The following SH3RF3 variants were observed in gnomAD, a reference collection of about 807,000 sequenced individuals.
SH3RF3 encodes E3 ubiquitin-protein ligase SH3RF3.
Under a neutral mutation model 66.3 loss-of-function variants are expected in SH3RF3, and 29 were observed. That is an observed-to-expected ratio of 0.44 (90% CI 0.33 to 0.60). The LOEUF is 0.60. Among genes scored for constraint, SH3RF3 ranks in the 20% least tolerant of loss-of-function variants. The pLI, the probability that SH3RF3 is intolerant of heterozygous loss-of-function variation, is 0.04. For missense variants in SH3RF3, 1,194 were observed against 1,190.9 expected, an observed-to-expected ratio of 1.00 and a Z score of -0.04; for synonymous variants, 583 against 532.0, an observed-to-expected ratio of 1.10 and a Z score of -1.32.
chr2:109,234,024 G>T (rs1013661673), intron 1 of SH3RF3, among the ~76,000 whole-genome samples: 1 of 152,160 alleles, frequency 6.6e-6, no homozygotes, highest in Non-Finnish European at 1.5e-5. Context: ...TGACATGAAG[G>T]TTTTTGTGTT....
intron 1 of SH3RF3, among the ~76,000 whole-genome samples, chr2:109,244,856 C>A (rs1456459531): frequency 6.6e-6 from 1 of 152,214 alleles, no homozygotes; most frequent in African/African-American, 2.4e-5. Flanking sequence ...ACCTTTCCCA[C>A]TGCAGCCTGT....
chr2:109,386,692 G>T (rs963543192), intron 3 of SH3RF3, among the ~76,000 whole-genome samples: 1 of 152,152 alleles, frequency 6.6e-6, no homozygotes, highest in Non-Finnish European at 1.5e-5. Context: ...TCCCTCAGGT[G>T]TCAGTCCAGG....
At chr2:109,194,818 T>C (rs1221635164) in intron 1 of SH3RF3, among the ~76,000 whole-genome samples, 3 of 152,262 alleles carry the variant, frequency 2.0e-5, no homozygotes, top group African/African-American at 4.8e-5. Context: ...GACGAAAAGA[T>C]TGAGAAGCTT....
chr2:109,184,789 C>A (rs563872786), intron 1 of SH3RF3, among the ~76,000 whole-genome samples: 279 of 152,280 alleles, frequency 1.8e-3, no homozygotes, highest in Non-Finnish European at 2.7e-3. Context: ...GGAGTTGTGC[C>A]ACATACAAGA....
At chr2:109,138,865 A>C (rs1235171806) in intron 1 of SH3RF3, among the ~76,000 whole-genome samples, 1 of 152,210 alleles carries the variant, frequency 6.6e-6, no homozygotes, top group Non-Finnish European at 1.5e-5. Flanking sequence ...TGTGTTAAGC[A>C]CTGGAATATA....
At position 109,342,843 on chromosome 2, in the gene SH3RF3, C is replaced by T. The variant is rs183643124; in HGVS notation, c.574-4831C>T. Among the ~76,000 whole-genome samples, 4 of 152,312 alleles carry T rather than the reference C, an allele frequency of 2.6e-5. No individual in the cohort carries two copies. In the East Asian group the frequency reaches 7.7e-4, roughly 29 times the overall value. Reference sequence around the variant, plus strand: ...GTGTGTGCCACATCTGAGTAATGAGCCATGAAATTGACATTATAAGTTTTA... The same window carrying T: ...GTGTGTGCCACATCTGAGTAATGAGTCATGAAATTGACATTATAAGTTTTA... On this transcript the variant is annotated intron_variant, in intron 1 of 9. Coordinates refer to ENST00000309415, the MANE Select transcript of SH3RF3 (RefSeq NM_001099289.3).
chr2:109,208,386 T>C (rs1414813572), intron 1 of SH3RF3, among the ~76,000 whole-genome samples: 1 of 152,232 alleles, frequency 6.6e-6, no homozygotes, highest in East Asian at 1.9e-4. Flanking sequence ...TCTTCAGGGA[T>C]GGGCAGCTTA....
chr2:109,290,954 C>T lies in SH3RF3; in HGVS notation c.574-56720C>T, dbSNP rs537539108. 1.3e-5 allele frequency among the ~76,000 whole-genome samples: 2 copies of T among 152,354 alleles called. 1 individual carries two copies. Among genetic ancestry groups the T allele is most frequent in the Admixed American group, 1.3e-4 (2 of 15,310 alleles). On this transcript the variant is annotated intron_variant, in intron 1 of 9. Coordinates refer to ENST00000309415, the MANE Select transcript of SH3RF3 (RefSeq NM_001099289.3). ...TGCTTTTTACTGTTTTCCTGGGGTG[C>T]CCGGCAATATGCCGGGTACATAGTA...
At chr2:109,249,623 TTCTC>T (rs201548250) in intron 1 of SH3RF3, among the ~76,000 whole-genome samples, 9 of 148,038 alleles carry the variant, frequency 6.1e-5, no homozygotes, top group Non-Finnish European at 1.5e-5. Context: ...TTCTCTTTCT[TTCTC>T]TCTCTCTTTC....
intron 8 of SH3RF3, among the ~76,000 whole-genome samples, chr2:109,467,402 G>A (rs1367658162): frequency 2.6e-5 from 4 of 152,192 alleles, no homozygotes; most frequent in East Asian, 1.9e-4. Context: ...GGAGGGTCCC[G>A]TGTCTATAAA....
intron 3 of SH3RF3, among the ~76,000 whole-genome samples, chr2:109,385,877 A>G (rs1559054934): frequency 6.8e-6 from 1 of 147,410 alleles, no homozygotes; most frequent in Non-Finnish European, 1.5e-5. Context: ...TTAAAAAGAG[A>G]TGGACGTTTG....
At chr2:109,347,595 C>G in intron 1 of SH3RF3, 79 bp from the exon 2 acceptor site, 1 of 1,528,534 alleles carries the variant, frequency 6.5e-7, no homozygotes, top group South Asian at 1.3e-5. Flanking sequence ...CTGAGAAGCC[C>G]CGGCCTGCCC....
intron 1 of SH3RF3, among the ~76,000 whole-genome samples, chr2:109,192,263 C>T (rs1466007793): frequency 2.0e-5 from 3 of 152,160 alleles, no homozygotes; most frequent in Non-Finnish European, 4.4e-5. Flanking sequence ...CACTGCAGCT[C>T]ATGGGATGTT....
chr2:109,256,129 C>G (rs1680215802), intron 1 of SH3RF3, among the ~76,000 whole-genome samples: 1 of 152,142 alleles, frequency 6.6e-6, no homozygotes, highest in Non-Finnish European at 1.5e-5. Flanking sequence ...GAGGCCAGGC[C>G]CGTGCTTCTG....
At chr2:109,482,248 C>T (rs1271736621) in intron 8 of SH3RF3, among the ~76,000 whole-genome samples, 1 of 152,140 alleles carries the variant, frequency 6.6e-6, no homozygotes, top group African/African-American at 2.4e-5. Context: ...GTGCCCGGCT[C>T]ATAGTCAGCT....
intron 3 of SH3RF3, among the ~76,000 whole-genome samples, chr2:109,392,569 C>T (rs544788724): frequency 2.6e-5 from 4 of 152,032 alleles, no homozygotes; most frequent in African/African-American, 7.2e-5. Flanking sequence ...AGTGCAGTGG[C>T]GTGATCTTGG....
chr2:109,356,731 C>G (rs1386565224), intron 2 of SH3RF3, among the ~76,000 whole-genome samples: 8 of 152,164 alleles, frequency 5.3e-5, no homozygotes, highest in Non-Finnish European at 8.8e-5. Flanking sequence ...TTTGGACAGC[C>G]CTGCCTCACA....
chr2:109,501,593 G>A lies in SH3RF3; in HGVS notation c.2571G>A (p.Glu857=), dbSNP rs1392002132. The change falls in exon 10 of 10, where the codon GAG becomes GAA. Residue 857 remains glutamate (E), a synonymous_variant. Transcript: ENST00000309415. ...GDIVFVHKKR[E]DGWYKGTLQR... ...TCGTCTTTGTGCACAAGAAGCGTGA[G>A]GACGGCTGGTACAAGGGGACCCTGC... is the stretch of plus-strand genomic sequence containing the variant. The A allele has an allele frequency of 1.3e-6, 1 of 779,598 alleles. No homozygotes were observed. The highest frequency in any genetic ancestry group is 1.3e-5 in the South Asian group (1 of 74,184). 48.3% of individuals were successfully genotyped at this position (779,598 alleles called of 1,614,324 possible). A position where few individuals can be genotyped will look rare whatever the true frequency, so the allele number is the denominator to read the frequency against.
intron 4 of SH3RF3, among the ~76,000 whole-genome samples, chr2:109,404,956 C>A (rs1388740455): frequency 6.6e-6 from 1 of 152,024 alleles, no homozygotes; most frequent in Non-Finnish European, 1.5e-5. Context: ...GGAGCCCCGT[C>A]CTGGCCCCTC....
Sources: allele counts gnomAD v4.1 joint callset (sites outside exome capture counted in the v4.1 genomes callset), GRCh38; gene constraint gnomAD v4.1.1; transcripts MANE v1.5; gene names NCBI Gene and HGNC (gene_info 2026-07-23, HGNC 2026-07-21).